The following SYN1 variants were observed in gnomAD, a reference collection of about 807,000 sequenced individuals.
SYN1 encodes the protein synapsin I.
Under a neutral mutation model 44.6 loss-of-function variants are expected in SYN1, and 8 were observed. The observed-to-expected ratio is 0.18, with a 90% CI of 0.11 to 0.32. The LOEUF is 0.32. SYN1 is among the 10% of genes least tolerant of loss of function. The pLI, the probability that SYN1 is intolerant of heterozygous loss-of-function variation, is 1.00. For missense variants in SYN1, 451 were observed against 639.4 expected, an observed-to-expected ratio of 0.71 and a Z score of 3.18; for synonymous variants, 275 against 280.1, an observed-to-expected ratio of 0.98 and a Z score of 0.18.
chrX:47,604,340 A>G (rs760519285), intron 5 of SYN1, among the ~76,000 whole-genome samples: 1 of 105,430 alleles, frequency 9.5e-6, no homozygotes, highest in Non-Finnish European at 2.0e-5. Flanking sequence ...GCAACCTCCA[A>G]CTCCCGGGTT....
chrX:47,577,499 G>A lies in SYN1; in HGVS notation c.777C>T (p.Leu259=). Residue 259 remains leucine, a splice_region_variant and synonymous_variant, in exon 6 of 13, where the codon CTC becomes CTT. Transcript: ENST00000295987. ...QTFYPNHKEM[L]SSTTYPVVVK... ...CAACCACGGGGTACGTTGTACTGCT[G>A]AGCTGGTGGGGAAAAGGCAGAGGAG... 2 of 1,204,227 alleles carry A rather than the reference G, an allele frequency of 1.7e-6. No individual in the cohort carries two copies. Among genetic ancestry groups the A allele is most frequent in the Middle Eastern group, 2.3e-4 (1 of 4,347 alleles).
At chrX:47,601,543 G>T (rs1237983460) in intron 5 of SYN1, among the ~76,000 whole-genome samples, 2 of 111,347 alleles carry the variant, frequency 1.8e-5, no homozygotes, top group Non-Finnish European at 3.8e-5. Context: ...GATCGCTTGA[G>T]CCCAGGGGTT....
chrX:47,608,527 AAGG>A (rs2057906883), intron 1 of SYN1, among the ~76,000 whole-genome samples: 1 of 110,922 alleles, frequency 9.0e-6, no homozygotes, highest in Non-Finnish European at 1.9e-5. Flanking sequence ...TGCATCCGAT[AAGG>A]AGGAGTGGAT....
At chrX:47,586,321 A>G in intron 5 of SYN1, 1 of 754,114 alleles carries the variant, frequency 1.3e-6, no homozygotes, top group Non-Finnish European at 1.6e-6. Context: ...ATTCCAGGAC[A>G]CTGATTTACT....
At chrX:47,582,783 C>G (rs925980620) in intron 5 of SYN1, among the ~76,000 whole-genome samples, 1 of 96,308 alleles carries the variant, frequency 1.0e-5, no homozygotes, top group Non-Finnish European at 2.1e-5. Context: ...CCCTCATCGC[C>G]CCCTAAATAC....
In SYN1 at chrX:47,572,836, G is replaced by A; in HGVS notation, c.*28C>T. On this transcript the variant is annotated 3_prime_UTR_variant, in exon 13 of 13. Coordinates refer to ENST00000295987, the MANE Select transcript of SYN1 (RefSeq NM_006950.3). ...TCAGGGCCCAGAGAAGGGTTGCCCA[G>A]GGATTTTGGGGTTCTCAGAGTGGGG... is the stretch of plus-strand genomic sequence containing the variant. 1 of 1,210,970 alleles carries A rather than the reference G, an allele frequency of 8.3e-7. No homozygotes were observed. Among genetic ancestry groups the A allele is most frequent in the Non-Finnish European group, 1.1e-6 (1 of 895,037 alleles).
At chrX:47,580,889 G>A (rs1262556706) in intron 5 of SYN1, among the ~76,000 whole-genome samples, 8 of 108,836 alleles carry the variant, frequency 7.4e-5, no homozygotes, top group African/African-American at 1.3e-4. Flanking sequence ...AGCTGAGATC[G>A]CGCCACTGCA....
intron 5 of SYN1, among the ~76,000 whole-genome samples, chrX:47,577,827 G>A (rs1326731380): frequency 2.0e-5 from 2 of 98,274 alleles, no homozygotes; most frequent in Non-Finnish European, 4.1e-5. Flanking sequence ...TTTTACAGTG[G>A]ATGGATGATA....
At chrX:47,601,631 T>C (rs1381330159) in intron 5 of SYN1, among the ~76,000 whole-genome samples, 1 of 111,191 alleles carries the variant, frequency 9.0e-6, no homozygotes, top group Non-Finnish European at 1.9e-5. Flanking sequence ...CACAAAATCT[T>C]CCCAAAAATA....
chrX:47,592,297 C>T (rs767940094), intron 5 of SYN1, among the ~76,000 whole-genome samples: 1 of 110,199 alleles, frequency 9.1e-6, no homozygotes, highest in Admixed American at 9.8e-5. Flanking sequence ...ACAATCATGC[C>T]ACTGCACTCC....
intron 1 of SYN1, 105 bp from the exon 2 acceptor site, chrX:47,607,303 C>T (rs2057900870): frequency 1.5e-6 from 1 of 659,988 alleles, no homozygotes. Context: ...AAAGAAACCA[C>T]AAAGTGCCTT....
At chrX:47,588,412 T>C (rs2057834885) in intron 5 of SYN1, among the ~76,000 whole-genome samples, 1 of 112,766 alleles carries the variant, frequency 8.9e-6, no homozygotes, top group Non-Finnish European at 1.9e-5. Context: ...GCCCATTTCC[T>C]AAGTCCTCAG....
Position 47,574,093 on chromosome X carries a change from G to A in SYN1, c.1891C>T (p.Arg631Cys). ...PRPSGPGPAG[R>C]PKPQLAQKPS... ...TTCTGGGCCAGCTGTGGTTTGGGAC[G>A]TCCAGCGGGGCCCGGGCCGCTGGGC... is the stretch of plus-strand genomic sequence containing the variant. The change falls in exon 12 of 13, where the codon CGT becomes TGT. Residue 631 changes from arginine (R) to cysteine (C), a missense_variant. Physicochemically the swap from Arg to Cys is radical, Grantham distance 180. Around this residue, in one of 3 missense-constraint regions of SYN1, gnomAD observed 127 missense variants for 154.8 expected, o/e 0.82. Transcript: ENST00000295987. The A allele has an allele frequency of 8.8e-7, 1 of 1,132,040 alleles. No homozygotes were observed. 93.3% of individuals were successfully genotyped at this position (1,132,040 alleles called of 1,213,427 possible).
At chrX:47,582,708 C>A in intron 5 of SYN1, 1 of 238,297 alleles carries the variant, frequency 4.2e-6, no homozygotes, top group Non-Finnish European at 8.3e-6. Flanking sequence ...TCCCCCAAAC[C>A]CATGACCCCC....
chrX:47,583,347 AC>A lies in SYN1; in HGVS notation c.775-5847del, dbSNP rs2057807851. The A allele has an allele frequency of 5.3e-6, 6 of 1,121,555 alleles. No individual in the cohort carries two copies. In the East Asian group the frequency reaches 1.9e-4, roughly 35 times the overall value. 92.4% of individuals were successfully genotyped at this position (1,121,555 alleles called of 1,213,427 possible). A position where few individuals can be genotyped will look rare whatever the true frequency, so the allele number is the denominator to read the frequency against. ...GCCCCGGGGCAAGATGGGGTGGATG[AC>A]CTGCCCAGGTCAGCAGATCAGCTGG... is the stretch of plus-strand genomic sequence containing the variant. On this transcript the variant is annotated intron_variant, in intron 5 of 12. Coordinates refer to ENST00000295987, the MANE Select transcript of SYN1 (RefSeq NM_006950.3).
At position 47,619,767 on chromosome X, in the gene SYN1, GC is replaced by G. The variant is rs1406032183; in HGVS notation, c.-40del. On this transcript the variant is annotated 5_prime_UTR_variant, in exon 1 of 13. Transcript: ENST00000295987. Reference sequence around the variant, plus strand: ...GGCAGGGGGTCCTAGGGGTGGTCTGGCCAGGAGCCGCGGGGGCGGACTGCGC... The same window carrying G: ...GGCAGGGGGTCCTAGGGGTGGTCTGGCAGGAGCCGCGGGGGCGGACTGCGC... The G allele has an allele frequency of 1.4e-5, 16 of 1,142,263 alleles. No homozygotes were observed. In the Admixed American group the frequency reaches 3.1e-4, roughly 22 times the overall value. The allele number at this position is 1,142,263 out of a possible 1,213,427, so 94.1% of individuals were successfully genotyped here.
In SYN1 at chrX:47,572,736, A is replaced by C; in HGVS notation, c.*128T>G. On this transcript the variant is annotated 3_prime_UTR_variant, in exon 13 of 13. Transcript: ENST00000295987. ...TCAAGGTACTCGGGGATCTTGAGGA[A>C]TGAGAGGTGGAATCTTGGAGAACCG... 6 of 973,474 alleles carry C rather than the reference A, an allele frequency of 6.2e-6. No individual in the cohort carries two copies. Among genetic ancestry groups the C allele is most frequent in the Non-Finnish European group, 8.6e-6 (6 of 695,833 alleles). 80.2% of individuals were successfully genotyped at this position (973,474 alleles called of 1,213,427 possible).
intron 9 of SYN1, 128 bp from the exon 10 acceptor site, chrX:47,575,402 C>T: frequency 2.4e-6 from 2 of 839,708 alleles, no homozygotes; most frequent in South Asian, 2.5e-5. Flanking sequence ...ACTGATTGTG[C>T]ACGGTGAGGA....
At position 47,574,294 on chromosome X, in the gene SYN1, T is replaced by C; in HGVS notation, c.1690A>G (p.Thr564Ala). Residue 564 changes from threonine (T) to alanine (A), a missense_variant, in exon 12 of 13, where the codon ACC becomes GCC. Physicochemically the swap from Thr to Ala is moderately conservative, Grantham distance 58. This residue lies in a region of SYN1 where 127 missense variants were observed against 154.8 expected (regional missense o/e 0.82). Coordinates refer to ENST00000295987, the MANE Select transcript of SYN1 (RefSeq NM_006950.3). ...PQRQAGPPQA[T>A]RQTSVSGPAP... ...GGGCCAGAGACGGATGTCTGACGGG[T>C]AGCCTGTGGGGGGCCCGCCTGGCGC... 1 of 1,099,459 alleles carries C rather than the reference T, an allele frequency of 9.1e-7. No homozygotes were observed. Among genetic ancestry groups the C allele is most frequent in the Non-Finnish European group, 1.2e-6 (1 of 846,814 alleles). The allele number at this position is 1,099,459 out of a possible 1,213,427, so 90.6% of individuals were successfully genotyped here. A position where few individuals can be genotyped will look rare whatever the true frequency, so the allele number is the denominator to read the frequency against.
Sources: gnomAD v4.1 joint callset for allele counts (sites outside exome capture counted in the v4.1 genomes callset) on GRCh38, gnomAD v4.1.1 for gene constraint, gnomAD v4.1.1 regional missense constraint, MANE v1.5 for transcripts, NCBI Gene and HGNC (gene_info 2026-07-23, HGNC 2026-07-21) for gene names.